Variants in RUNDC3B observed in about 807,000 individuals in gnomAD.
RUNDC3B encodes RUN domain containing 3B, also known as RUN domain-containing protein 3B.
RUNDC3B carries 33 observed loss-of-function variants against 58.4 expected under a neutral mutation model. The ratio of observed to expected loss-of-function variants is 0.56; its 90% CI spans 0.43 to 0.75. The LOEUF is 0.75. Ranked by LOEUF, RUNDC3B falls within the 30% of genes least tolerant of loss-of-function variation. The pLI is 0.00. For synonymous variants in RUNDC3B, 193 were observed against 195.2 expected, an observed-to-expected ratio of 0.99 and a Z score of 0.10; for missense variants, 501 against 535.7, an observed-to-expected ratio of 0.94 and a Z score of 0.64.
chr7:87,761,690 AT>A (rs1221852498), intron 6 of RUNDC3B, among the ~76,000 whole-genome samples: 2 of 151,920 alleles, frequency 1.3e-5, no homozygotes, highest in Non-Finnish European at 2.9e-5. Flanking sequence ...CTTTGAAACC[AT>A]TATAGGTGAA....
chr7:87,747,349 G>A (rs1320976120), intron 6 of RUNDC3B, among the ~76,000 whole-genome samples: 1 of 152,140 alleles, frequency 6.6e-6, no homozygotes, highest in East Asian at 1.9e-4. Flanking sequence ...TCTCAGCCGT[G>A]GATACCAGCG....
chr7:87,748,768 T>C (rs1832796902), intron 6 of RUNDC3B, among the ~76,000 whole-genome samples: 1 of 152,016 alleles, frequency 6.6e-6, no homozygotes, highest in African/African-American at 2.4e-5. Context: ...GTAAGAGAAG[T>C]CACTAATATT....
At chr7:87,713,502 G>C (rs566439617) in intron 4 of RUNDC3B, among the ~76,000 whole-genome samples, 6 of 152,134 alleles carry the variant, frequency 3.9e-5, no homozygotes, top group African/African-American at 1.4e-4. Context: ...TTTTTGCTAA[G>C]GTGTAGGACG....
At chr7:87,669,607 T>C (rs1001077474) in intron 2 of RUNDC3B, among the ~76,000 whole-genome samples, 1 of 152,202 alleles carries the variant, frequency 6.6e-6, no homozygotes, top group Admixed American at 6.5e-5. Flanking sequence ...TATTAGCTGG[T>C]ATTGGTCTTT....
intron 6 of RUNDC3B, among the ~76,000 whole-genome samples, chr7:87,768,111 G>A (rs145538357): frequency 6.6e-6 from 1 of 152,308 alleles, no homozygotes; most frequent in East Asian, 1.9e-4. Flanking sequence ...GTGGAGAATA[G>A]TACTGTCTCC....
At chr7:87,668,810 T>G (rs1398923691) in intron 2 of RUNDC3B, among the ~76,000 whole-genome samples, 1 of 152,212 alleles carries the variant, frequency 6.6e-6, no homozygotes, top group African/African-American at 2.4e-5. Flanking sequence ...TAGTCTTGAC[T>G]TCTATTTTTA....
At chr7:87,710,688 T>G in intron 4 of RUNDC3B, 33 bp downstream of exon 4, 1 of 1,200,774 alleles carries the variant, frequency 8.3e-7, no homozygotes, top group Non-Finnish European at 1.2e-6. Flanking sequence ...CTAATATATA[T>G]TTGAAAGAAT....
In RUNDC3B at chr7:87,810,583, C is replaced by A. The variant is rs1397257428; in HGVS notation, c.1103+3064C>A. Among the ~76,000 whole-genome samples the A allele has an allele frequency of 2.6e-5, 4 of 152,152 alleles. No homozygotes were observed. In the East Asian group the frequency reaches 5.8e-4, roughly 22 times the overall value. On this transcript the variant is annotated intron_variant, in intron 9 of 10. Transcript: ENST00000394654. ...GTGTGTTGTTTGATTTAATGAATTT[C>A]TTAGTCTTAAATTAAGCCATTGAAT...
intron 7 of RUNDC3B, among the ~76,000 whole-genome samples, 199 bp from the exon 8 acceptor site, chr7:87,777,594 TAGAGA>T (rs1195711303): frequency 5.3e-5 from 8 of 152,200 alleles, no homozygotes; most frequent in African/African-American, 1.4e-4. Flanking sequence ...TCTCAAACTT[TAGAGA>T]AGAGTTTTAA....
intron 8 of RUNDC3B, among the ~76,000 whole-genome samples, chr7:87,803,882 G>T (rs1281296481): frequency 6.6e-6 from 1 of 152,118 alleles, no homozygotes; most frequent in African/African-American, 2.4e-5. Context: ...TCCATATAAG[G>T]CCTCAAGCTG....
chr7:87,637,914 G>T (rs1281876465), intron 1 of RUNDC3B, among the ~76,000 whole-genome samples: 5 of 151,488 alleles, frequency 3.3e-5, no homozygotes, highest in South Asian at 4.2e-4. Context: ...TATTGCACTG[G>T]CTAGGACCAC....
intron 1 of RUNDC3B, among the ~76,000 whole-genome samples, chr7:87,638,957 C>A (rs551847458): frequency 6.6e-6 from 1 of 152,128 alleles, no homozygotes; most frequent in African/African-American, 2.4e-5. Context: ...TCGAGACTAT[C>A]CTGGCTAACA....
intron 6 of RUNDC3B, among the ~76,000 whole-genome samples, chr7:87,754,049 T>G (rs1198837792): frequency 1.3e-5 from 2 of 152,164 alleles, no homozygotes; most frequent in African/African-American, 4.8e-5. Flanking sequence ...AGAGTCTTGC[T>G]GGGGATTTTA....
intron 2 of RUNDC3B, among the ~76,000 whole-genome samples, chr7:87,655,071 G>T (rs1299477919): frequency 6.6e-6 from 1 of 152,050 alleles, no homozygotes; most frequent in Non-Finnish European, 1.5e-5. Context: ...GGGAACCCTT[G>T]TAGTAGGAAT....
At chr7:87,675,162 T>A (rs1426959898) in intron 2 of RUNDC3B, among the ~76,000 whole-genome samples, 1 of 152,200 alleles carries the variant, frequency 6.6e-6, no homozygotes, top group Non-Finnish European at 1.5e-5. Flanking sequence ...GTCCCTGTGC[T>A]TAGCCTCCCC....
chr7:87,761,079 A>G (rs540472964), intron 6 of RUNDC3B, among the ~76,000 whole-genome samples: 55 of 152,090 alleles, frequency 3.6e-4, no homozygotes, highest in African/African-American at 1.3e-3. Flanking sequence ...ATCATACACA[A>G]AATCAGGGTC....
At chr7:87,714,807 G>A (rs879796996) in intron 4 of RUNDC3B, among the ~76,000 whole-genome samples, 1 of 151,930 alleles carries the variant, frequency 6.6e-6, no homozygotes, top group South Asian at 2.1e-4. Context: ...CTCTCCACAA[G>A]GGTCGCATTC....
rs368917645 is a variant in RUNDC3B, at chr7:87,794,955, A to G, written c.957-12418A>G. The stretch of plus-strand genomic sequence containing the variant: ...TGAAACTAGACCTGTATCTCTCACC[A>G]TATACAAAAATCAAATCAAAATCAG... On this transcript the variant is annotated intron_variant, in intron 8 of 10. Coordinates refer to ENST00000394654, the MANE Select transcript of RUNDC3B (RefSeq NM_001134405.2). Among the ~76,000 whole-genome samples the G allele has an allele frequency of 1.4e-4, 22 of 152,336 alleles. 1 individual carries two copies. The East Asian group carries it at 3.3e-3, about 23-fold the overall frequency.
intron 4 of RUNDC3B, among the ~76,000 whole-genome samples, chr7:87,737,074 A>G (rs1166481810): frequency 6.7e-6 from 1 of 149,490 alleles, no homozygotes; most frequent in Non-Finnish European, 1.5e-5. Flanking sequence ...ATTTTTTTGT[A>G]TTTTTTGTAT....
Sources: allele counts gnomAD v4.1 joint callset (sites outside exome capture counted in the v4.1 genomes callset), GRCh38; gene constraint gnomAD v4.1.1; transcripts MANE v1.5; gene names NCBI Gene and HGNC (gene_info 2026-07-23, HGNC 2026-07-21).